Variants in RSRC1 observed in about 807,000 individuals in gnomAD.
The protein encoded by RSRC1 is serine/Arginine-related protein 53.
RSRC1 carries 39 observed loss-of-function variants against 49.1 expected under a neutral mutation model. The observed-to-expected ratio is 0.79, with a 90% CI of 0.61 to 1.04. The LOEUF is 1.04. Among genes scored for constraint, RSRC1 ranks in the 50% least tolerant of loss-of-function variants. RSRC1 has a pLI of 0.00. For synonymous variants in RSRC1, 143 were observed against 130.8 expected (o/e 1.09, Z -0.63); for missense variants, 388 against 402.4 (o/e 0.96, Z 0.31).
intron 9 of RSRC1, 149 bp downstream of exon 9, chr3:158,543,636 C>G (rs1713162486): frequency 1.4e-6 from 1 of 713,370 alleles, no homozygotes; most frequent in Admixed American, 3.2e-5. Context: ...GGCCCCCAGG[C>G]CTTTAGAACT....
chr3:158,327,865 C>T (rs889060495), intron 5 of RSRC1, among the ~76,000 whole-genome samples: 19 of 152,098 alleles, frequency 1.2e-4, no homozygotes, highest in Non-Finnish European at 2.2e-4. Context: ...GTGTGGGAGT[C>T]TAAGTCTCTT....
chr3:158,421,628 A>C (rs1303875452), intron 6 of RSRC1, among the ~76,000 whole-genome samples: 10 of 151,866 alleles, frequency 6.6e-5, no homozygotes, highest in Admixed American at 6.6e-4. Context: ...AAACAGAAAA[A>C]ATGGGCACCC....
At chr3:158,136,752 A>G (rs940350193) in intron 3 of RSRC1, 7 of 151,914 alleles carry the variant, frequency 4.6e-5, no homozygotes, top group African/African-American at 7.3e-5. Flanking sequence ...CAGTTTTTCA[A>G]TGGGTGTGGA....
intron 3 of RSRC1, among the ~76,000 whole-genome samples, chr3:158,138,932 TCTTTA>T: frequency 6.6e-6 from 1 of 152,332 alleles, no homozygotes; most frequent in South Asian, 2.1e-4. Context: ...TTAATTATTC[TCTTTA>T]CTTTCATTTT....
At chr3:158,423,756 C>T (rs1735229692) in intron 6 of RSRC1, among the ~76,000 whole-genome samples, 1 of 152,020 alleles carries the variant, frequency 6.6e-6, no homozygotes, top group Non-Finnish European at 1.5e-5. Context: ...TTTCGTTGAG[C>T]AGTGGTTTGT....
chr3:158,161,053 A>G (rs1718186732), intron 3 of RSRC1, among the ~76,000 whole-genome samples: 1 of 152,182 alleles, frequency 6.6e-6, no homozygotes, highest in Non-Finnish European at 1.5e-5. Context: ...TTGGCAGAGC[A>G]GGAAGACTAA....
intron 5 of RSRC1, among the ~76,000 whole-genome samples, chr3:158,350,712 AT>A (rs1022755474): frequency 6.6e-6 from 1 of 152,044 alleles, no homozygotes; most frequent in Admixed American, 6.6e-5. Context: ...CCCATTTAAA[AT>A]TTTTTTTGAG....
At chr3:158,470,714 G>A (rs775686367) in intron 7 of RSRC1, among the ~76,000 whole-genome samples, 1 of 152,050 alleles carries the variant, frequency 6.6e-6, no homozygotes, top group African/African-American at 2.4e-5. Context: ...CTGAATTTAT[G>A]TATATAAAAC....
At chr3:158,351,243 G>A (rs1182023217) in intron 5 of RSRC1, among the ~76,000 whole-genome samples, 2 of 152,128 alleles carry the variant, frequency 1.3e-5, no homozygotes, top group Non-Finnish European at 2.9e-5. Flanking sequence ...GAGCCCTTAC[G>A]AAAGATTTGA....
At chr3:158,427,201 A>AT (rs1171750285) in intron 6 of RSRC1, among the ~76,000 whole-genome samples, 1 of 151,798 alleles carries the variant, frequency 6.6e-6, no homozygotes, top group Non-Finnish European at 1.5e-5. Context: ...CCAAAAAAAA[A>AT]GGAAAGGAGG....
chr3:158,376,337 T>G (rs1483279684), intron 6 of RSRC1, among the ~76,000 whole-genome samples: 2 of 151,920 alleles, frequency 1.3e-5, no homozygotes, highest in Non-Finnish European at 2.9e-5. Flanking sequence ...TTTTTGTAAA[T>G]TTTTTGTAGA....
chr3:158,518,124 GTGTATATA>G (rs1426267655), intron 7 of RSRC1, among the ~76,000 whole-genome samples: 40 of 53,184 alleles, frequency 7.5e-4, no homozygotes, highest in South Asian at 2.0e-3. Flanking sequence ...GTGTGTGTGT[GTGTATATA>G]TATATATATA....
chr3:158,366,025 C>T (rs995427617), intron 6 of RSRC1, among the ~76,000 whole-genome samples: 1 of 151,862 alleles, frequency 6.6e-6, no homozygotes, highest in Admixed American at 6.6e-5. Flanking sequence ...TGTTTAAGTT[C>T]CTTATAGATT....
intron 4 of RSRC1, among the ~76,000 whole-genome samples, chr3:158,218,529 G>A (rs1344857294): frequency 6.6e-6 from 1 of 151,688 alleles, no homozygotes; most frequent in Non-Finnish European, 1.5e-5. Flanking sequence ...GAAGATGGCA[G>A]GGTATCATAC....
intron 3 of RSRC1, among the ~76,000 whole-genome samples, chr3:158,194,563 T>C (rs576058804): frequency 2.3e-4 from 34 of 151,088 alleles, no homozygotes; most frequent in Non-Finnish European, 3.2e-4. Flanking sequence ...TTGTTACATA[T>C]GTATACATGT....
At chr3:158,544,112 T>A (rs1159644996) in intron 9 of RSRC1, 71 bp from the exon 10 acceptor site, 1 of 1,012,370 alleles carries the variant, frequency 9.9e-7, no homozygotes, top group African/African-American at 1.6e-5. Flanking sequence ...AAAGGTGAGT[T>A]CTGTCATTTT....
intron 6 of RSRC1, among the ~76,000 whole-genome samples, chr3:158,437,829 AAAAG>A (rs1736134584): frequency 6.6e-6 from 1 of 152,184 alleles, no homozygotes; most frequent in Non-Finnish European, 1.5e-5. Flanking sequence ...GCAATCAGGC[AAAAG>A]AAAGAAATAA....
At chr3:158,499,776 G>A (rs1347327572) in intron 7 of RSRC1, among the ~76,000 whole-genome samples, 1 of 152,162 alleles carries the variant, frequency 6.6e-6, no homozygotes, top group Non-Finnish European at 1.5e-5. Flanking sequence ...GGAGCCTTTA[G>A]GGTTTTCAAG....
At chr3:158,262,729 AT>A (rs1724970269) in intron 4 of RSRC1, among the ~76,000 whole-genome samples, 1 of 151,924 alleles carries the variant, frequency 6.6e-6, no homozygotes, top group African/African-American at 2.4e-5. Context: ...GGTCTTTAAA[AT>A]TTTTTTCACC....
Sources: allele counts gnomAD v4.1 joint callset (sites outside exome capture counted in the v4.1 genomes callset), GRCh38; gene constraint gnomAD v4.1.1; transcripts MANE v1.5; gene names NCBI Gene and HGNC (gene_info 2026-07-23, HGNC 2026-07-21).